Variants in ZNF536 observed in about 807,000 individuals in gnomAD.
ZNF536 encodes the protein zinc finger protein 536.
A neutral mutation model predicts 84.5 loss-of-function variants in ZNF536; 13 were observed. That is an observed-to-expected ratio of 0.15 (90% CI 0.10 to 0.24). The LOEUF is 0.24. Among genes scored for constraint, ZNF536 ranks in the 10% least tolerant of loss-of-function variants. The pLI is 1.00. For missense variants in ZNF536, 1,536 were observed against 1,747.5 expected, an observed-to-expected ratio of 0.88 and a Z score of 2.16; for synonymous variants, 811 against 742.5, an observed-to-expected ratio of 1.09 and a Z score of -1.50.
intron 1 of ZNF536, among the ~76,000 whole-genome samples, chr19:30,601,966 C>T (rs8099868): frequency 0.34 from 52,141 of 152,066 alleles, 9,408 homozygotes; most frequent in East Asian, 0.6. Flanking sequence ...GCATTGAAAA[C>T]GTCCTCTCCC....
exon 2 of ZNF536, chr19:30,711,191 A>G (rs1229045141): frequency 6.6e-6 from 1 of 152,060 alleles, no homozygotes; most frequent in African/African-American, 2.4e-5. Context: ...GCCCTTGAAA[A>G]TGGCTGCTAA....
chr19:30,667,540 C>G (rs2050378587), intron 1 of ZNF536, among the ~76,000 whole-genome samples: 1 of 151,338 alleles, frequency 6.6e-6, no homozygotes, highest in African/African-American at 2.4e-5. Context: ...TCCCCAATGG[C>G]CTGGATCAAG....
intron 1 of ZNF536, among the ~76,000 whole-genome samples, chr19:30,682,079 A>T (rs183383746): frequency 6.6e-6 from 1 of 152,298 alleles, no homozygotes; most frequent in Admixed American, 6.5e-5. Flanking sequence ...TTTATGGCCC[A>T]GGAAGGAGAA....
At chr19:30,248,394 TA>T (rs1167479817) in intron 1 of ZNF536, among the ~76,000 whole-genome samples, 45 of 115,728 alleles carry the variant, frequency 3.9e-4, no homozygotes, top group African/African-American at 1.9e-3. Context: ...CATGCCCTGC[TA>T]ATTTTTTTTT....
chr19:30,299,301 T>A (rs1306059291), intron 2 of ZNF536, among the ~76,000 whole-genome samples: 1 of 152,240 alleles, frequency 6.6e-6, no homozygotes, highest in Non-Finnish European at 1.5e-5. Context: ...ATCTGTTGAT[T>A]TAGAAATCTG....
At chr19:30,397,701 T>A (rs1160523156) in intron 1 of ZNF536, among the ~76,000 whole-genome samples, 1 of 152,216 alleles carries the variant, frequency 6.6e-6, no homozygotes, top group Non-Finnish European at 1.5e-5. Flanking sequence ...GTCTGTTAAT[T>A]TGATTTCAGT....
At chr19:30,466,904 G>A (rs576918196) in intron 2 of ZNF536, among the ~76,000 whole-genome samples, 9 of 152,212 alleles carry the variant, frequency 5.9e-5, no homozygotes, top group Admixed American at 1.3e-4. Flanking sequence ...GCAGTGGCAC[G>A]ATCTCGGCTC....
At chr19:30,534,155 A>G (rs764318535) in intron 2 of ZNF536, among the ~76,000 whole-genome samples, 2 of 152,240 alleles carry the variant, frequency 1.3e-5, no homozygotes, top group South Asian at 4.1e-4. Flanking sequence ...CTGCAAAAAG[A>G]TGTGTCTGCA....
At chr19:30,474,249 C>G (rs2053755867) in intron 2 of ZNF536, among the ~76,000 whole-genome samples, 1 of 152,042 alleles carries the variant, frequency 6.6e-6, no homozygotes, top group Admixed American at 6.6e-5. Context: ...TGTGGAAGGC[C>G]TTGGACGCCA....
intron 1 of ZNF536, among the ~76,000 whole-genome samples, chr19:30,619,457 G>A (rs1239254587): frequency 6.6e-6 from 1 of 152,172 alleles, no homozygotes; most frequent in Non-Finnish European, 1.5e-5. Flanking sequence ...CCTCAAAGCA[G>A]CTCAATATAT....
intron 1 of ZNF536, among the ~76,000 whole-genome samples, chr19:30,399,264 G>T (rs2049948437): frequency 6.6e-6 from 1 of 150,880 alleles, no homozygotes; most frequent in South Asian, 2.1e-4. Context: ...TCATGGGGTT[G>T]TTTTTTTTTC....
intron 3 of ZNF536, among the ~76,000 whole-genome samples, chr19:30,364,128 T>C (rs773052272): frequency 2.6e-5 from 4 of 152,208 alleles, no homozygotes; most frequent in Non-Finnish European, 4.4e-5. Flanking sequence ...AACAAAGCTG[T>C]GTGCCCAATT....
chr19:30,591,417 CA>C (rs2047273989), intron 1 of ZNF536, among the ~76,000 whole-genome samples: 1 of 152,196 alleles, frequency 6.6e-6, no homozygotes, highest in Non-Finnish European at 1.5e-5. Flanking sequence ...AAAGGAGAAG[CA>C]AAGGCATGTC....
intron 1 of ZNF536, among the ~76,000 whole-genome samples, chr19:30,438,713 A>G (rs908479113): frequency 2.0e-5 from 3 of 152,176 alleles, no homozygotes; most frequent in Non-Finnish European, 4.4e-5. Flanking sequence ...TCTCATTCCC[A>G]TCGCCCAGGC....
chr19:30,431,500 C>T lies in ZNF536; in HGVS notation c.-2-12061C>T, dbSNP rs10425663. On this transcript the variant is annotated intron_variant, in intron 1 of 4. Coordinates refer to ENST00000355537, the MANE Select transcript of ZNF536 (RefSeq NM_014717.3). The stretch of plus-strand genomic sequence containing the variant: ...TGTCTTCGACAGGTGCCCCTGTGGA[C>T]GAATCTCCCTGGGCCGACTTCTATA... 2.6e-3 allele frequency among the ~76,000 whole-genome samples: 398 copies of T among 152,296 alleles called. 2 individuals carry two copies. The highest frequency in any genetic ancestry group is 8.4e-3 in the African/African-American group (350 of 41,564).
At chr19:30,502,770 G>T (rs2055003350) in intron 2 of ZNF536, among the ~76,000 whole-genome samples, 1 of 152,076 alleles carries the variant, frequency 6.6e-6, no homozygotes, top group East Asian at 1.9e-4. Context: ...AGGGAGTAGG[G>T]GACACCAGTG....
At chr19:30,517,232 C>T (rs1412271433) in intron 2 of ZNF536, among the ~76,000 whole-genome samples, 1 of 152,210 alleles carries the variant, frequency 6.6e-6, no homozygotes, top group African/African-American at 2.4e-5. Flanking sequence ...CCACAATCAT[C>T]ACTGGCTTTG....
intron 1 of ZNF536, among the ~76,000 whole-genome samples, chr19:30,590,073 G>C (rs909238158): frequency 6.6e-6 from 1 of 152,140 alleles, no homozygotes; most frequent in Admixed American, 6.5e-5. Context: ...AAGTGTGATG[G>C]CTGGAGAGAG....
At chr19:30,381,140 A>G (rs1487214460) in intron 1 of ZNF536, among the ~76,000 whole-genome samples, 1 of 152,204 alleles carries the variant, frequency 6.6e-6, no homozygotes, top group African/African-American at 2.4e-5. Context: ...AGCCTACCAA[A>G]GCACTGGGAT....
Sources: allele counts gnomAD v4.1 joint callset (sites outside exome capture counted in the v4.1 genomes callset), GRCh38; gene constraint gnomAD v4.1.1; transcripts MANE v1.5; gene names NCBI Gene and HGNC (gene_info 2026-07-23, HGNC 2026-07-21).